Variants in CSMD1 observed in about 807,000 individuals in gnomAD.
The protein encoded by CSMD1 is CUB and sushi domain-containing protein 1.
Under a neutral mutation model 417.5 loss-of-function variants are expected in CSMD1, and 213 were observed. The ratio of observed to expected loss-of-function variants is 0.51; its 90% CI spans 0.46 to 0.57. The LOEUF (loss-of-function observed/expected upper bound fraction) is 0.57, where lower values mean the gene tolerates loss of function less well. Ranked by LOEUF, CSMD1 falls within the 20% of genes least tolerant of loss-of-function variation. The pLI, the probability that CSMD1 is intolerant of heterozygous loss-of-function variation, is 0.00. For synonymous variants in CSMD1, 2,862 were observed against 1,736.8 expected (o/e 1.65, Z -16.11); for missense variants, 6,923 against 4,529.7 (o/e 1.53, Z -15.17).
chr8:4,582,135 G>C (rs995016233), intron 2 of CSMD1, among the ~76,000 whole-genome samples: 2 of 151,788 alleles, frequency 1.3e-5, no homozygotes, highest in African/African-American at 4.8e-5. Context: ...AGTAGCACAT[G>C]AGGAATAATC....
chr8:4,739,491 A>G (rs1240128792), intron 1 of CSMD1, among the ~76,000 whole-genome samples: 1 of 152,228 alleles, frequency 6.6e-6, no homozygotes, highest in Admixed American at 6.5e-5. Context: ...TGATAGATGA[A>G]GTAACAAAAC....
intron 2 of CSMD1, among the ~76,000 whole-genome samples, chr8:4,468,600 T>G (rs1800333504): frequency 6.6e-6 from 1 of 152,158 alleles, no homozygotes; most frequent in South Asian, 2.1e-4. Context: ...ACAAATGATT[T>G]TTCAAGATTC....
At chr8:4,660,587 C>T (rs1349065438) in intron 1 of CSMD1, among the ~76,000 whole-genome samples, 1 of 151,830 alleles carries the variant, frequency 6.6e-6, no homozygotes, top group Admixed American at 6.6e-5. Flanking sequence ...ATAATAGACA[C>T]CAAAATCACA....
intron 9 of CSMD1, among the ~76,000 whole-genome samples, chr8:3,585,259 C>G (rs866585547): frequency 1.2e-4 from 19 of 152,166 alleles, no homozygotes; most frequent in Non-Finnish European, 1.0e-4. Context: ...CTTGTTGTAC[C>G]TTTTTTAATA....
intron 5 of CSMD1, among the ~76,000 whole-genome samples, chr8:3,819,049 G>A (rs1801563049): frequency 6.6e-6 from 1 of 152,156 alleles, no homozygotes. Context: ...AACATTTCCT[G>A]TTTGTAGGAA....
At chr8:3,240,946 T>C (rs576031030) in intron 26 of CSMD1, among the ~76,000 whole-genome samples, 117 of 152,002 alleles carry the variant, frequency 7.7e-4, no homozygotes, top group African/African-American at 2.4e-3. Flanking sequence ...TAAAGCATGC[T>C]GTGGGATGGG....
At chr8:4,139,088 G>A (rs774351658) in intron 3 of CSMD1, among the ~76,000 whole-genome samples, 25 of 152,054 alleles carry the variant, frequency 1.6e-4, no homozygotes, top group Non-Finnish European at 2.5e-4. Flanking sequence ...GTCTTTTACC[G>A]ACCACAACAC....
intron 1 of CSMD1, among the ~76,000 whole-genome samples, chr8:4,746,594 G>C (rs1322536494): frequency 3.3e-5 from 5 of 152,174 alleles, no homozygotes; most frequent in Admixed American, 2.0e-4. Flanking sequence ...ATTCTAGCGA[G>C]CATGCATTTT....
intron 7 of CSMD1, among the ~76,000 whole-genome samples, chr8:3,624,556 G>C (rs887713309): frequency 1.3e-5 from 2 of 152,148 alleles, no homozygotes; most frequent in East Asian, 1.9e-4. Context: ...GATCAGTTTT[G>C]AGACAAACTG....
chr8:3,164,565 C>T (rs1820096495), intron 37 of CSMD1, among the ~76,000 whole-genome samples: 1 of 152,102 alleles, frequency 6.6e-6, no homozygotes, highest in Non-Finnish European at 1.5e-5. Flanking sequence ...CACATATTAG[C>T]AAGGTCATCT....
rs34761562 is a variant in CSMD1 at position 4,398,462 on chromosome 8, C to T, written c.415+21491G>A. The stretch of plus-strand genomic sequence containing the variant: ...AGGCTGGAGCGCAGTGGTGCGATCT[C>T]GGCTCACTGCAACCTCCTCTCCTGG... On this transcript the variant is annotated intron_variant, in intron 3 of 69. Coordinates refer to ENST00000635120, the MANE Select transcript of CSMD1 (RefSeq NM_033225.6). Among the ~76,000 whole-genome samples, 1,162 of 135,172 alleles carry T rather than the reference C, an allele frequency of 8.6e-3. 3 individuals are homozygous for T. Among genetic ancestry groups the T allele is most frequent in the Admixed American group, 0.016 (178 of 11,136 alleles). The allele number at this position is 135,172 out of a possible 152,430, so 88.7% of individuals were successfully genotyped here.
chr8:3,770,188 A>G (rs1798494060), intron 5 of CSMD1, among the ~76,000 whole-genome samples: 1 of 152,156 alleles, frequency 6.6e-6, no homozygotes, highest in Non-Finnish European at 1.5e-5. Flanking sequence ...TCCCTCTCCC[A>G]TGATTTTGAA....
chr8:3,366,029 T>C (rs1313012918), intron 20 of CSMD1, among the ~76,000 whole-genome samples: 1 of 152,180 alleles, frequency 6.6e-6, no homozygotes, highest in East Asian at 1.9e-4. Context: ...CATCAGAAGT[T>C]ATTAAGGAAT....
intron 1 of CSMD1, among the ~76,000 whole-genome samples, chr8:4,732,459 C>A (rs529750563): frequency 6.6e-6 from 1 of 151,380 alleles, no homozygotes; most frequent in Non-Finnish European, 1.5e-5. Context: ...TGCTTAAGAA[C>A]AAGAATTACT....
At position 3,708,453 on chromosome 8, in the gene CSMD1, T is replaced by C. The variant is rs1321168628; in HGVS notation, c.970A>G (p.Met324Val). The C allele has an allele frequency of 2.5e-6, 4 of 1,613,940 alleles. No individual in the cohort carries two copies. Among genetic ancestry groups the C allele is most frequent in the East Asian group, 2.2e-5 (1 of 44,878 alleles). Residue 324 changes from methionine to valine, a missense_variant, in exon 7 of 70, where the codon ATG becomes GTG. By Grantham distance (21) the Met-to-Val change is conservative. Transcript: ENST00000635120. ...AIELKSRGVK[M>V]LPSKDGSHKN... ...TGGCTTCCATCCTTGCTGGGCAGCA[T>C]CTTGACTCCTCTTGACTTCAACTCA...
intron 3 of CSMD1, among the ~76,000 whole-genome samples, chr8:4,188,740 C>T (rs888233826): frequency 6.6e-6 from 1 of 151,114 alleles, no homozygotes; most frequent in Non-Finnish European, 1.5e-5. Context: ...TGAGTAATGT[C>T]TAGAAAAGAA....
intron 8 of CSMD1, among the ~76,000 whole-genome samples, chr8:3,615,231 T>G (rs1410066781): frequency 6.6e-6 from 1 of 152,108 alleles, no homozygotes; most frequent in Admixed American, 6.6e-5. Context: ...AGCCATTTAT[T>G]GACAGACAGC....
At chr8:4,343,636 C>A (rs1340252111) in intron 3 of CSMD1, among the ~76,000 whole-genome samples, 1 of 152,092 alleles carries the variant, frequency 6.6e-6, no homozygotes, top group Non-Finnish European at 1.5e-5. Context: ...TGCACTAGAG[C>A]ATGTGGTCAT....
chr8:3,794,329 T>C (rs1799922263), intron 5 of CSMD1, among the ~76,000 whole-genome samples: 1 of 152,160 alleles, frequency 6.6e-6, no homozygotes, highest in Non-Finnish European at 1.5e-5. Context: ...TGGTGATTTT[T>C]AAGCTGAGTA....
Sources: allele counts gnomAD v4.1 joint callset (sites outside exome capture counted in the v4.1 genomes callset), GRCh38; gene constraint gnomAD v4.1.1; transcripts MANE v1.5; gene names NCBI Gene and HGNC (gene_info 2026-07-23, HGNC 2026-07-21).